The following PALM2AKAP2 variants were observed in gnomAD, a reference collection of about 807,000 sequenced individuals.
The protein encoded by PALM2AKAP2 is PALM2-AKAP2 fusion protein.
PALM2AKAP2 carries 37 observed loss-of-function variants against 71.5 expected under a neutral mutation model. That is an observed-to-expected ratio of 0.52 (90% CI 0.40 to 0.68). The LOEUF is 0.68. PALM2AKAP2 is among the 30% of genes least tolerant of loss of function. The pLI is 0.00. For missense variants in PALM2AKAP2, 1,224 were observed against 1,191.8 expected (o/e 1.03, Z -0.40); for synonymous variants, 468 against 478.8 (o/e 0.98, Z 0.29).
intron 1 of PALM2AKAP2, among the ~76,000 whole-genome samples, chr9:109,772,239 C>A (rs1414505107): frequency 6.6e-6 from 1 of 152,208 alleles, no homozygotes; most frequent in South Asian, 2.1e-4. Context: ...AGAGTCCTCA[C>A]AGAGCCTCTG....
rs1048763441 is a variant in PALM2AKAP2 at position 109,856,031 on chromosome 9, A to G, written c.46-11460A>G. On this transcript the variant is annotated intron_variant, in intron 1 of 9. Transcript: ENST00000302798. ...TTGGGCCCTAAAGATATAGCTAACA[A>G]GAGGAAAAACTGTCAAAACTCTTAT... is the stretch of plus-strand genomic sequence containing the variant. Among the ~76,000 whole-genome samples the G allele has an allele frequency of 6.6e-5, 10 of 152,352 alleles. No homozygotes were observed. The East Asian group carries it at 1.9e-3, about 29-fold the overall frequency.
intron 1 of PALM2AKAP2, among the ~76,000 whole-genome samples, chr9:109,758,014 C>A (rs539625639): frequency 6.6e-6 from 1 of 152,094 alleles, no homozygotes; most frequent in African/African-American, 2.4e-5. Context: ...ATAAACAAAC[C>A]CTAATACCAG....
intron 1 of PALM2AKAP2, among the ~76,000 whole-genome samples, chr9:110,124,801 G>A (rs1010504037): frequency 1.3e-5 from 2 of 152,052 alleles, no homozygotes; most frequent in African/African-American, 4.8e-5. Flanking sequence ...CTTTGGCATG[G>A]ACTATAATGT....
chr9:109,715,349 A>G (rs187668452), intron 1 of PALM2AKAP2, among the ~76,000 whole-genome samples: 130 of 152,320 alleles, frequency 8.5e-4, no homozygotes, highest in African/African-American at 2.9e-3. Flanking sequence ...GAGGCATGAA[A>G]TACAAGTGAC....
At chr9:110,134,415 G>GA (rs1217387795) in intron 1 of PALM2AKAP2, among the ~76,000 whole-genome samples, 1 of 152,234 alleles carries the variant, frequency 6.6e-6, no homozygotes, top group Non-Finnish European at 1.5e-5. Flanking sequence ...TAGACTGGAA[G>GA]AAAATCAGAG....
chr9:109,701,702 A>G (rs1423493882), intron 1 of PALM2AKAP2, among the ~76,000 whole-genome samples: 2 of 152,224 alleles, frequency 1.3e-5, no homozygotes, highest in Non-Finnish European at 2.9e-5. Context: ...TTCATGTCTA[A>G]AACACCAAAA....
intron 6 of PALM2AKAP2, chr9:109,942,692 A>G (rs1201655776): frequency 1.3e-6 from 2 of 1,581,522 alleles, no homozygotes. Context: ...CAAGCTGTGT[A>G]CGCCATGGAA....
intron 1 of PALM2AKAP2, among the ~76,000 whole-genome samples, chr9:109,766,752 T>C (rs956465793): frequency 6.6e-6 from 1 of 152,218 alleles, no homozygotes; most frequent in African/African-American, 2.4e-5. Context: ...ATCAGCAGAA[T>C]AATAAAAGCC....
chr9:110,003,031 T>C (rs1280393752), intron 6 of PALM2AKAP2, among the ~76,000 whole-genome samples: 1 of 152,258 alleles, frequency 6.6e-6, no homozygotes, highest in Non-Finnish European at 1.5e-5. Context: ...CTCTATATCC[T>C]TCAGTTCTGC....
chr9:110,053,527 C>CAAAAAAAAAAAAAAA (rs56132919), intron 1 of PALM2AKAP2, among the ~76,000 whole-genome samples: 27 of 82,802 alleles, frequency 3.3e-4, no homozygotes, highest in East Asian at 4.0e-4. Flanking sequence ...AACTCTGTCT[C>CAAAAAAAAAAAAAAA]AAAAAAAAAA....
intron 1 of PALM2AKAP2, among the ~76,000 whole-genome samples, chr9:109,789,515 C>T (rs535342355): frequency 1.3e-5 from 2 of 152,348 alleles, no homozygotes; most frequent in African/African-American, 4.8e-5. Flanking sequence ...GCTTCCCTCA[C>T]TTGTCTTTGT....
upstream of PALM2AKAP2, chr9:109,780,406 C>T (rs1829422422): frequency 1.6e-5 from 26 of 1,610,620 alleles, no homozygotes; most frequent in Non-Finnish European, 2.1e-5. Context: ...CAAAGCCCCC[C>T]GGGGTGCCCA....
intron 7 of PALM2AKAP2, among the ~76,000 whole-genome samples, chr9:110,038,505 ACCACTG>A (rs1345060226): frequency 1.3e-5 from 2 of 152,132 alleles, no homozygotes; most frequent in Admixed American, 6.5e-5. Context: ...TGGAGAAATG[ACCACTG>A]GGTTTGGCAA....
At chr9:109,727,403 T>C (rs767419282) in intron 1 of PALM2AKAP2, among the ~76,000 whole-genome samples, 2 of 152,258 alleles carry the variant, frequency 1.3e-5, no homozygotes, top group Non-Finnish European at 2.9e-5. Context: ...TCAACTTTCC[T>C]GGATTCCTGT....
intron 1 of PALM2AKAP2, among the ~76,000 whole-genome samples, chr9:109,819,495 G>A (rs945300595): frequency 2.0e-5 from 3 of 152,172 alleles, no homozygotes; most frequent in African/African-American, 7.2e-5. Flanking sequence ...ATGAGATTTT[G>A]ACGTGGCCAA....
intron 1 of PALM2AKAP2, among the ~76,000 whole-genome samples, chr9:109,804,526 T>C (rs1178742488): frequency 6.6e-6 from 1 of 152,164 alleles, no homozygotes; most frequent in Non-Finnish European, 1.5e-5. Context: ...CTTTTTGCGG[T>C]AGTAACGAAA....
chr9:110,156,636 G>A (rs1028324877), intron 3 of PALM2AKAP2, 139 bp downstream of exon 9: 108 of 1,241,362 alleles, frequency 8.7e-5, no homozygotes, highest in Non-Finnish European at 1.1e-4. Context: ...CATATATGTG[G>A]TTTCACATGC....
At chr9:110,008,974 G>T (rs912662034) in intron 6 of PALM2AKAP2, among the ~76,000 whole-genome samples, 3 of 152,168 alleles carry the variant, frequency 2.0e-5, no homozygotes, top group African/African-American at 7.2e-5. Flanking sequence ...AGGCCAGGAA[G>T]TGAAATCCTG....
chr9:109,798,467 C>A (rs991175805), intron 1 of PALM2AKAP2, among the ~76,000 whole-genome samples: 1 of 152,156 alleles, frequency 6.6e-6, no homozygotes, highest in Non-Finnish European at 1.5e-5. Context: ...ATGGCTCAAA[C>A]CTCTGCCTTG....
Sources: gnomAD v4.1 joint callset for allele counts (sites outside exome capture counted in the v4.1 genomes callset) on GRCh38, gnomAD v4.1.1 for gene constraint, MANE v1.5 for transcripts, NCBI Gene and HGNC (gene_info 2026-07-23, HGNC 2026-07-21) for gene names.